The following LDLRAD3 variants were observed in gnomAD, a reference collection of about 807,000 sequenced individuals.
The protein encoded by LDLRAD3 is low-density lipoprotein receptor class A domain-containing protein 3.
A neutral mutation model predicts 29.4 loss-of-function variants in LDLRAD3; 20 were observed. The observed-to-expected ratio is 0.68, with a 90% CI of 0.48 to 0.99. The LOEUF is 0.99. Among genes scored for constraint, LDLRAD3 ranks in the 50% least tolerant of loss-of-function variants. The pLI is 0.00. For synonymous variants in LDLRAD3, 157 were observed against 192.7 expected (o/e 0.81, Z 1.53); for missense variants, 420 against 454.3 (o/e 0.92, Z 0.69).
chr11:36,214,720 C>G (rs1046503127), intron 4 of LDLRAD3, among the ~76,000 whole-genome samples: 1 of 152,158 alleles, frequency 6.6e-6, no homozygotes, highest in African/African-American at 2.4e-5. Context: ...GCTGTGTGAC[C>G]TGGGGCAAAT....
intron 1 of LDLRAD3, among the ~76,000 whole-genome samples, chr11:35,970,370 CAG>C: frequency 6.6e-6 from 1 of 152,234 alleles, no homozygotes; most frequent in African/African-American, 2.4e-5. Flanking sequence ...CTTGTGAAGA[CAG>C]AGGCAGACAC....
intron 4 of LDLRAD3, among the ~76,000 whole-genome samples, chr11:36,225,687 T>G (rs1048315645): frequency 6.6e-6 from 1 of 152,028 alleles, no homozygotes; most frequent in African/African-American, 2.4e-5. Flanking sequence ...AACTGACTTC[T>G]CTGAGCTTCA....
intron 1 of LDLRAD3, among the ~76,000 whole-genome samples, chr11:35,955,613 A>T (rs16928142): frequency 1.3e-5 from 2 of 152,158 alleles, no homozygotes; most frequent in African/African-American, 4.8e-5. Flanking sequence ...TAAGCATTAA[A>T]ATAGATAAAC....
chr11:36,203,754 TTGTC>T (rs764957657), intron 4 of LDLRAD3, among the ~76,000 whole-genome samples: 1 of 152,154 alleles, frequency 6.6e-6, no homozygotes, highest in Non-Finnish European at 1.5e-5. Flanking sequence ...ATGGAGCACT[TTGTC>T]TGAGCTTCTC....
intron 1 of LDLRAD3, among the ~76,000 whole-genome samples, chr11:35,963,259 A>G (rs1324456865): frequency 6.6e-6 from 1 of 152,138 alleles, no homozygotes; most frequent in Non-Finnish European, 1.5e-5. Context: ...TTAAAGCTTG[A>G]AACTTACATT....
intron 1 of LDLRAD3, among the ~76,000 whole-genome samples, chr11:35,991,679 A>G (rs2146359): frequency 0.34 from 51,703 of 152,066 alleles, 9,699 homozygotes; most frequent in East Asian, 0.53. Flanking sequence ...AGTGTCACAG[A>G]TCTCTGCAGA....
intron 4 of LDLRAD3, among the ~76,000 whole-genome samples, chr11:36,171,379 T>C (rs1436080802): frequency 6.6e-6 from 1 of 152,208 alleles, no homozygotes; most frequent in East Asian, 1.9e-4. Context: ...TAAGCCCATG[T>C]CTGGAAGGGT....
chr11:36,108,845 C>G (rs1215687453), intron 4 of LDLRAD3, among the ~76,000 whole-genome samples: 1 of 152,050 alleles, frequency 6.6e-6, no homozygotes, highest in African/African-American at 2.4e-5. Flanking sequence ...GAAAAGAGAC[C>G]TCAGTATAGA....
chr11:36,115,558 A>C lies in LDLRAD3; in HGVS notation c.454+17097A>C, dbSNP rs1043155708. 2.0e-5 allele frequency among the ~76,000 whole-genome samples: 3 copies of C among 152,176 alleles called. No individual in the cohort carries two copies. The East Asian group carries it at 5.8e-4, about 29-fold the overall frequency. On this transcript the variant is annotated intron_variant, in intron 4 of 5. Transcript: ENST00000315571. ...AAAGATGACCACTCCCTGAGGTTGCACACGAAGGCCAGAAAGGCTACTGAC... is the reference window on the plus strand; with the variant it reads ...AAAGATGACCACTCCCTGAGGTTGCCCACGAAGGCCAGAAAGGCTACTGAC...
chr11:36,061,191 T>C (rs1343668092), intron 2 of LDLRAD3, among the ~76,000 whole-genome samples: 2 of 152,228 alleles, frequency 1.3e-5, no homozygotes, highest in South Asian at 2.1e-4. Flanking sequence ...CAGGCTGTGA[T>C]GCAGTGGTGC....
At chr11:36,038,338 T>C (rs1338203493) in intron 2 of LDLRAD3, among the ~76,000 whole-genome samples, 1 of 152,258 alleles carries the variant, frequency 6.6e-6, no homozygotes, top group Non-Finnish European at 1.5e-5. Context: ...CTCTGTCATC[T>C]GTCTGGTTTT....
At position 36,135,679 on chromosome 11, in the gene LDLRAD3, G is replaced by A. The variant is rs142572589; in HGVS notation, c.454+37218G>A. 9.1e-3 allele frequency among the ~76,000 whole-genome samples: 1,384 copies of A among 152,312 alleles called. 13 individuals carry two copies. The highest frequency in any genetic ancestry group is 0.011 in the Non-Finnish European group (754 of 68,010). On this transcript the variant is annotated intron_variant, in intron 4 of 5. Coordinates refer to ENST00000315571, the MANE Select transcript of LDLRAD3 (RefSeq NM_174902.4). ...AACCCCAGCACTTTGGGAAGCCGAG[G>A]CGGGCGGATCACTTGAGGCCAGGAG... is the stretch of plus-strand genomic sequence containing the variant.
chr11:36,145,128 G>A (rs1378125476), intron 4 of LDLRAD3, among the ~76,000 whole-genome samples: 12 of 107,060 alleles, frequency 1.1e-4, no homozygotes, highest in African/African-American at 2.7e-4. Context: ...CCCCCCGCCC[G>A]GCCAGCTGCC....
intron 2 of LDLRAD3, among the ~76,000 whole-genome samples, chr11:36,052,001 A>G (rs563757468): frequency 6.6e-6 from 1 of 152,172 alleles, no homozygotes; most frequent in Non-Finnish European, 1.5e-5. Context: ...GGAGCCCAGG[A>G]ATCTGCATCT....
intron 1 of LDLRAD3, among the ~76,000 whole-genome samples, chr11:35,988,131 C>CA (rs1217343854): frequency 6.6e-6 from 1 of 152,196 alleles, no homozygotes; most frequent in Non-Finnish European, 1.5e-5. Context: ...GGTCACAACT[C>CA]ACTGCAGTCT....
intron 1 of LDLRAD3, among the ~76,000 whole-genome samples, chr11:35,974,666 A>G (rs1362874895): frequency 6.6e-6 from 1 of 152,210 alleles, no homozygotes; most frequent in Non-Finnish European, 1.5e-5. Context: ...GGCCAGTCTC[A>G]GTTTCTTGTC....
intron 4 of LDLRAD3, among the ~76,000 whole-genome samples, chr11:36,209,109 T>A (rs970043315): frequency 7.2e-5 from 11 of 152,204 alleles, no homozygotes; most frequent in Non-Finnish European, 1.3e-4. Flanking sequence ...TTGAGGGACA[T>A]TCTACAAAAT....
Position 36,066,903 on chromosome 11 carries a change from A to C in LDLRAD3, c.194-14750A>C, listed in dbSNP as rs1449594087. Among the ~76,000 whole-genome samples, 3 of 152,204 alleles carry C rather than the reference A, an allele frequency of 2.0e-5. No homozygotes were observed. In the South Asian group the frequency reaches 6.2e-4, roughly 32 times the overall value. On this transcript the variant is annotated intron_variant, in intron 2 of 5. Coordinates refer to ENST00000315571, the MANE Select transcript of LDLRAD3 (RefSeq NM_174902.4). ...TCTGACTCATCACTTTCCTTTAGAAAGATGTCTGTTGGCTTCCAGGATAAT... is the reference window on the plus strand; with the variant it reads ...TCTGACTCATCACTTTCCTTTAGAACGATGTCTGTTGGCTTCCAGGATAAT...
chr11:36,144,606 T>C (rs1357813789), intron 4 of LDLRAD3, among the ~76,000 whole-genome samples: 2 of 140,686 alleles, frequency 1.4e-5, no homozygotes, highest in Non-Finnish European at 3.1e-5. Flanking sequence ...GGAGACCCTC[T>C]GCCTGGCAAC....
Sources: gnomAD v4.1 joint callset for allele counts (sites outside exome capture counted in the v4.1 genomes callset) on GRCh38, gnomAD v4.1.1 for gene constraint, MANE v1.5 for transcripts, NCBI Gene and HGNC (gene_info 2026-07-23, HGNC 2026-07-21) for gene names.